ARID4A: variants seen among roughly 807,000 people sequenced by gnomAD.
The protein encoded by ARID4A is AT-rich interactive domain-containing protein 4A.
ARID4A carries 39 observed loss-of-function variants against 148.6 expected under a neutral mutation model. The ratio of observed to expected loss-of-function variants is 0.26; its 90% confidence interval spans 0.20 to 0.34. The LOEUF (loss-of-function observed/expected upper bound fraction) is 0.34. Among genes scored for constraint, ARID4A ranks in the 10% least tolerant of loss-of-function variants. ARID4A has a pLI of 1.00. For missense variants in ARID4A, 1,265 were observed against 1,449.1 expected (o/e 0.87, Z 2.06); for synonymous variants, 475 against 481.2 (o/e 0.99, Z 0.17).
chr14:58,305,833 C>T lies in ARID4A; in HGVS notation c.184-189C>T, dbSNP rs538487380. The stretch of plus-strand genomic sequence containing the variant: ...GTAATAATAGCTACCTAACTTTTGT[C>T]AAAGTGTTTTGGAGCTCAAATTGCA... On this transcript the variant is annotated intron_variant, in intron 4 of 23. Coordinates refer to ENST00000355431, the MANE Select transcript of ARID4A (RefSeq NM_002892.4). Among the ~76,000 whole-genome samples the T allele has an allele frequency of 3.3e-5, 5 of 152,250 alleles. No individual in the cohort carries two copies. In the South Asian group the frequency reaches 1.0e-3, roughly 32 times the overall value.
chr14:58,315,070 G>T (rs1290825647), intron 5 of ARID4A, among the ~76,000 whole-genome samples: 6 of 152,164 alleles, frequency 3.9e-5, no homozygotes. Context: ...AGTGAGCCAA[G>T]ATCATGCCAC....
At chr14:58,308,656 T>C (rs1263174578) in intron 5 of ARID4A, among the ~76,000 whole-genome samples, 1 of 152,242 alleles carries the variant, frequency 6.6e-6, no homozygotes, top group Non-Finnish European at 1.5e-5. Flanking sequence ...AAAAAAACAG[T>C]ACAATGAAAT....
intron 5 of ARID4A, among the ~76,000 whole-genome samples, chr14:58,313,615 A>G (rs1238500937): frequency 2.0e-5 from 3 of 152,182 alleles, no homozygotes; most frequent in Non-Finnish European, 4.4e-5. Context: ...GAGAATGACC[A>G]TGACAGGTTC....
At chr14:58,299,281 G>A (rs1253939088) in intron 1 of ARID4A, 3 of 152,404 alleles carry the variant, frequency 2.0e-5, no homozygotes, top group Admixed American at 2.0e-4. Context: ...TTTGGGTGAA[G>A]GAGCGCTTCT....
rs375805334 is a variant in ARID4A, at chr14:58,308,289, A to G, written c.274+2177A>G. ...TGAGGTATCAAGCATTAGTGGACAT[A>G]AGAATCACTTGGTGCTTGCTTAGAA... On this transcript the variant is annotated intron_variant, in intron 5 of 23. Transcript: ENST00000355431. 1.2e-4 allele frequency among the ~76,000 whole-genome samples: 18 copies of G among 152,358 alleles called. 1 individual carries two copies. The highest frequency in any genetic ancestry group is 3.6e-4 in the African/African-American group (15 of 41,590).
chr14:58,353,926 T>C (rs2034752094), intron 17 of ARID4A, 71 bp downstream of exon 17: 1 of 1,348,964 alleles, frequency 7.4e-7, no homozygotes, highest in Non-Finnish European at 1.0e-6. Flanking sequence ...CTTAATGTTA[T>C]GAAGAGTGAA....
At position 58,359,187 on chromosome 14, in the gene ARID4A, C is replaced by T; in HGVS notation, c.1909C>T (p.Pro637Ser). The T allele has an allele frequency of 6.3e-7, 1 of 1,592,562 alleles. No homozygotes were observed. The highest frequency in any genetic ancestry group is 8.5e-7 in the Non-Finnish European group (1 of 1,174,278). The change falls in exon 18 of 24, where the codon CCA (proline) becomes TCA (serine). Residue 637 changes from proline (P) to serine (S), a missense_variant. Transcript: ENST00000355431. ...RIIWPLDKGG[P>S]KKKQKKKAKN... is the part of the protein sequence containing the mutation. ...AATCTGGCCTTTGGACAAAGGTGGACCAAAGAAAAAACAGAAGAAAAAAGC... is the reference window on the plus strand; with the variant it reads ...AATCTGGCCTTTGGACAAAGGTGGATCAAAGAAAAAACAGAAGAAAAAAGC...
At chr14:58,365,465 C>G in intron 20 of ARID4A, 53 bp from the exon 21 acceptor site, 1 of 853,864 alleles carries the variant, frequency 1.2e-6, no homozygotes, top group Non-Finnish European at 1.6e-6. Flanking sequence ...AATATACTTG[C>G]TCTTTTTTTT....
At chr14:58,368,944 A>G (rs1372025997) in intron 23 of ARID4A, among the ~76,000 whole-genome samples, 1 of 152,232 alleles carries the variant, frequency 6.6e-6, no homozygotes, top group African/African-American at 2.4e-5. Flanking sequence ...GTATCCAGAG[A>G]TAAAGGGAAA....
rs528856647 is a variant in ARID4A, at chr14:58,323,135, C to T, written c.450-350C>T. On this transcript the variant is annotated intron_variant, in intron 7 of 23. Transcript: ENST00000355431. ...AAATTAAAGTTATATGTTATATTAT[C>T]TGGCATAAAAATAGAAGGGCAATCT... is the stretch of plus-strand genomic sequence containing the variant. Among the ~76,000 whole-genome samples the T allele has an allele frequency of 7.4e-4, 112 of 151,032 alleles. No homozygotes were observed. In the South Asian group the frequency reaches 0.023, roughly 31 times the overall value.
intron 11 of ARID4A, among the ~76,000 whole-genome samples, chr14:58,331,974 G>A (rs147784493): frequency 2.1e-4 from 29 of 139,810 alleles, no homozygotes; most frequent in Admixed American, 1.1e-3. Flanking sequence ...ATTGCTGTCC[G>A]TTCCAGAATG....
chr14:58,302,646 A>T (rs1219337414), intron 3 of ARID4A, among the ~76,000 whole-genome samples: 1 of 152,058 alleles, frequency 6.6e-6, no homozygotes, highest in Non-Finnish European at 1.5e-5. Context: ...TGACAGAGGG[A>T]GACTAAAAAT....
chr14:58,318,776 G>C lies in ARID4A; in HGVS notation c.420G>C (p.Thr140=), dbSNP rs373980107. 2.6e-5 allele frequency: 42 copies of C among 1,613,628 alleles called. No homozygotes were observed. The highest frequency in any genetic ancestry group is 3.3e-5 in the Non-Finnish European group (39 of 1,179,740). Residue 140 remains threonine (T), a synonymous_variant, in exon 7 of 24, where the codon ACG becomes ACC. Coordinates refer to ENST00000355431, the MANE Select transcript of ARID4A (RefSeq NM_002892.4). The part of the protein sequence containing the change: ...HFGTPVIAKK[T]NRGRRSSLPV... Reference sequence around the variant, plus strand: ...GAACTCCAGTAATTGCAAAGAAGACGAACAGAGGAAGGAGATCTTCTCTTC... The same window carrying C: ...GAACTCCAGTAATTGCAAAGAAGACCAACAGAGGAAGGAGATCTTCTCTTC...
chr14:58,344,909 G>C, intron 12 of ARID4A, 142 bp downstream of exon 12: 1 of 668,126 alleles, frequency 1.5e-6, no homozygotes, highest in Non-Finnish European at 2.5e-6. Context: ...TTCTTGCTTT[G>C]ATGCCCAGGC....
intron 23 of ARID4A, chr14:58,370,137 C>G (rs928713962): frequency 6.6e-6 from 1 of 152,144 alleles, no homozygotes; most frequent in Non-Finnish European, 1.5e-5. Context: ...TCATGTTCAT[C>G]CTTTTCTTTT....
Position 58,348,099 on chromosome 14 carries a change from T to C in ARID4A, c.1404+221T>C, listed in dbSNP as rs369516014. On this transcript the variant is annotated intron_variant, in intron 15 of 23. Transcript: ENST00000355431. ...TGTTTATATTCGATCAAGTCATTCT[T>C]GTCTGGGATGAATCCCAGATATTCC... is the stretch of plus-strand genomic sequence containing the variant. Among the ~76,000 whole-genome samples the C allele has an allele frequency of 2.6e-5, 4 of 152,306 alleles. 1 individual carries two copies.
rs1159173191 is a variant in ARID4A, at chr14:58,304,867, CATT to C, written c.118-73_118-71del. 22 of 1,197,844 alleles carry C rather than the reference CATT, an allele frequency of 1.8e-5. 1 individual carries two copies. The South Asian group carries it at 2.0e-4, about 11-fold the overall frequency. 74.2% of individuals were successfully genotyped at this position (1,197,844 alleles called of 1,614,324 possible). A position where few individuals can be genotyped will look rare whatever the true frequency, so the allele number is the denominator to read the frequency against. On this transcript the variant is annotated intron_variant, in intron 3 of 23. Transcript: ENST00000355431. ...GTGCTAAGAAAGCATAAATTAAAGA[CATT>C]ATTGTTATAGTGTTACTATAAATGT... is the stretch of plus-strand genomic sequence containing the variant.
At position 58,359,107 on chromosome 14, in the gene ARID4A, CTTTTTTTTTTTT is replaced by C; in HGVS notation, c.1854-15_1854-4del. On this transcript the variant is annotated splice_polypyrimidine_tract_variant and intron_variant, in intron 17 of 23. Coordinates refer to ENST00000355431, the MANE Select transcript of ARID4A (RefSeq NM_002892.4). ...ATAATGTATAAAGTTTGTACAAACT[CTTTTTTTTTTTT>C]TTTTTTTTTAAGGTATGATGAGTGG... 2.3e-6 allele frequency: 3 copies of C among 1,298,548 alleles called. 1 individual carries two copies. Among genetic ancestry groups the C allele is most frequent in the Non-Finnish European group, 3.1e-6 (3 of 982,664 alleles). The allele number at this position is 1,298,548 out of a possible 1,614,324, so 80.4% of individuals were successfully genotyped here.
chr14:58,354,688 TAAAAAA>T lies in ARID4A; in HGVS notation c.1853+843_1853+848del, dbSNP rs201953201. On this transcript the variant is annotated intron_variant, in intron 17 of 23. Transcript: ENST00000355431. ...ATAGAGCGAAACCCTGTCTCATAAA[TAAAAAA>T]AAAAAAAAAGAAAAAAGAGATTTTG... Among the ~76,000 whole-genome samples the T allele has an allele frequency of 9.7e-5, 12 of 123,464 alleles. No homozygotes were observed. The South Asian group carries it at 1.0e-3, about 10-fold the overall frequency. 81.0% of individuals were successfully genotyped at this position (123,464 alleles called of 152,430 possible).
Sources: gnomAD v4.1 joint callset for allele counts (sites outside exome capture counted in the v4.1 genomes callset) on GRCh38, gnomAD v4.1.1 for gene constraint, MANE v1.5 for transcripts, NCBI Gene and HGNC (gene_info 2026-07-23, HGNC 2026-07-21) for gene names.